The following ACOT7 variants were observed in gnomAD, a reference collection of about 807,000 sequenced individuals.
ACOT7 encodes acyl-CoA thioesterase 7.
Under a neutral mutation model 40.2 loss-of-function variants are expected in ACOT7, and 12 were observed. The ratio of observed to expected loss-of-function variants is 0.30; its 90% CI spans 0.19 to 0.48. The LOEUF (loss-of-function observed/expected upper bound fraction) is 0.48, where lower values mean the gene tolerates loss of function less well. Ranked by LOEUF, ACOT7 falls within the 20% of genes least tolerant of loss-of-function variation. The pLI is 0.99. For missense variants in ACOT7, 395 were observed against 530.8 expected, an observed-to-expected ratio of 0.74 and a Z score of 2.51; for synonymous variants, 228 against 219.5, an observed-to-expected ratio of 1.04 and a Z score of -0.34.
intron 1 of ACOT7, among the ~76,000 whole-genome samples, chr1:6,380,290 C>T (rs112196526): frequency 1.3e-5 from 2 of 151,416 alleles, no homozygotes; most frequent in African/African-American, 4.8e-5. Context: ...GTCAAATGAT[C>T]TATGTGACAA....
In ACOT7 at chr1:6,264,428, G is replaced by A. The variant is rs1571248950; in HGVS notation, c.*169C>T. ...GGAATGATATAAATAAAGCTTTGGT[G>A]TGTAGGTTTGCAGGAGAGAGTACAG... On this transcript the variant is annotated 3_prime_UTR_variant, in exon 9 of 9. Transcript: ENST00000361521. The A allele has an allele frequency of 6.5e-6, 4 of 618,146 alleles. No individual in the cohort carries two copies. The highest frequency in any genetic ancestry group is 1.1e-5 in the Non-Finnish European group (4 of 352,944). The allele number at this position is 618,146 out of a possible 1,614,324, so 38.3% of individuals were successfully genotyped here. A position where few individuals can be genotyped will look rare whatever the true frequency, so the allele number is the denominator to read the frequency against.
At position 6,393,503 on chromosome 1, in the gene ACOT7, G is replaced by T; in HGVS notation, c.-104C>A. On this transcript the variant is annotated 5_prime_UTR_variant, in exon 1 of 9. Coordinates refer to ENST00000361521, the MANE Select transcript of ACOT7 (RefSeq NM_007274.4). ...CCGCGCCGACCCCGCCCCCGCGCCG[G>T]CCCCACCCCGAGCCCCGCCTCCCAG... 1 of 1,055,022 alleles carries T rather than the reference G, an allele frequency of 9.5e-7. No homozygotes were observed. Among genetic ancestry groups the T allele is most frequent in the Non-Finnish European group, 1.2e-6 (1 of 835,240 alleles). The allele number at this position is 1,055,022 out of a possible 1,614,324, so 65.4% of individuals were successfully genotyped here. A position where few individuals can be genotyped will look rare whatever the true frequency, so the allele number is the denominator to read the frequency against.
chr1:6,324,666 G>T (rs1441734882), intron 5 of ACOT7, among the ~76,000 whole-genome samples: 2 of 152,122 alleles, frequency 1.3e-5, no homozygotes, highest in African/African-American at 4.8e-5. Context: ...CTCACAAAAA[G>T]GTAGGTCCAG....
intron 2 of ACOT7, among the ~76,000 whole-genome samples, chr1:6,340,266 T>A (rs1408623571): frequency 1.3e-5 from 2 of 152,086 alleles, no homozygotes; most frequent in Non-Finnish European, 2.9e-5. Flanking sequence ...GCGCCCGGCC[T>A]AGCACCGCGC....
At chr1:6,281,342 G>C (rs1639355156) in intron 7 of ACOT7, 56 bp from the exon 8 acceptor site, 22 of 1,528,828 alleles carry the variant, frequency 1.4e-5, no homozygotes, top group Non-Finnish European at 1.7e-5. Context: ...GCTGGGCGGG[G>C]GACACTGGCG....
intron 2 of ACOT7, 149 bp from the exon 3 acceptor site, chr1:6,339,738 G>GGT: frequency 2.6e-6 from 2 of 762,300 alleles, no homozygotes; most frequent in Non-Finnish European, 3.8e-6. Flanking sequence ...TTGGCACCGC[G>GGT]GTTTTTTTTT....
At chr1:6,325,467 A>G (rs765709672) in intron 5 of ACOT7, among the ~76,000 whole-genome samples, 1 of 151,978 alleles carries the variant, frequency 6.6e-6, no homozygotes, top group African/African-American at 2.4e-5. Context: ...TTCTATTAAT[A>G]CTGACACATT....
chr1:6,268,617 A>G (rs1201408816), intron 8 of ACOT7, among the ~76,000 whole-genome samples: 1 of 152,180 alleles, frequency 6.6e-6, no homozygotes, highest in Non-Finnish European at 1.5e-5. Flanking sequence ...CTAACTCAGG[A>G]CCATGCTCCT....
chr1:6,269,459 C>A (rs921374109), intron 8 of ACOT7, among the ~76,000 whole-genome samples: 14 of 152,240 alleles, frequency 9.2e-5, no homozygotes, highest in Admixed American at 7.8e-4. Flanking sequence ...CTGCTCCCAC[C>A]CCAGCGGCCA....
intron 2 of ACOT7, among the ~76,000 whole-genome samples, chr1:6,348,534 C>A (rs1245534314): frequency 6.6e-6 from 1 of 152,236 alleles, no homozygotes; most frequent in East Asian, 1.9e-4. Context: ...AGAATGGGGA[C>A]AGAGCCCTCA....
At chr1:6,349,666 G>A in intron 2 of ACOT7, 83 bp downstream of exon 2, 1 of 1,350,594 alleles carries the variant, frequency 7.4e-7, no homozygotes, top group Admixed American at 2.0e-5. Flanking sequence ...AAGGCTGCAG[G>A]CCTGGCTCCC....
chr1:6,285,723 C>T (rs1639483177), intron 7 of ACOT7, among the ~76,000 whole-genome samples: 1 of 152,182 alleles, frequency 6.6e-6, no homozygotes, highest in African/African-American at 2.4e-5. Flanking sequence ...AGGCAGGGCC[C>T]GACAAGCACT....
intron 2 of ACOT7, among the ~76,000 whole-genome samples, chr1:6,345,521 C>T (rs1016511828): frequency 2.6e-5 from 4 of 152,196 alleles, no homozygotes; most frequent in Non-Finnish European, 5.9e-5. Context: ...GAGGGGATAA[C>T]GAATGGGAAG....
chr1:6,340,039 C>G (rs983840755), intron 2 of ACOT7, among the ~76,000 whole-genome samples: 1 of 151,202 alleles, frequency 6.6e-6, no homozygotes, highest in Non-Finnish European at 1.5e-5. Flanking sequence ...GATCTCCCCT[C>G]ACTGCAAGCG....
chr1:6,318,570 T>C lies in ACOT7; in HGVS notation c.634A>G (p.Thr212Ala). 6.2e-7 allele frequency: 1 copy of C among 1,614,018 alleles called. No homozygotes were observed. Among genetic ancestry groups the C allele is most frequent in the Middle Eastern group, 1.7e-4 (1 of 6,060 alleles). Reference protein sequence around the residue: ...VQPVLNPEPNTVSYSQSSLIH... With the variant: ...VQPVLNPEPNAVSYSQSSLIH... Reference sequence around the variant, plus strand: ...AAGCTGGACTGGCTGTAGCTGACAGTGTTCGGCTCTGGAATTGCAAAAGAG... The same window carrying C: ...AAGCTGGACTGGCTGTAGCTGACAGCGTTCGGCTCTGGAATTGCAAAAGAG... Residue 212 changes from threonine (T) to alanine (A), a missense_variant, in exon 6 of 9, where the codon ACT becomes GCT. This residue lies in a region of ACOT7 where 309 missense variants were observed against 470.3 expected (regional missense o/e 0.66). Coordinates refer to ENST00000361521, the MANE Select transcript of ACOT7 (RefSeq NM_007274.4).
rs1199594176 is a variant in ACOT7 at position 6,355,089 on chromosome 1, G to C, written c.144-5223C>G. Among the ~76,000 whole-genome samples, 1 of 152,154 alleles carries C rather than the reference G, an allele frequency of 6.6e-6. No homozygotes were observed. The highest frequency in any genetic ancestry group is 1.5e-5 in the Non-Finnish European group (1 of 68,024). On this transcript the variant is annotated intron_variant, in intron 1 of 8. Transcript: ENST00000361521. This position sits in a 1 kb window ranked among gnomAD's most constrained non-coding sequence, Gnocchi z 5.0. ...GCGGGGCTCCGACCTGCACCTGCCA[G>C]AGCACTGCTGCTTAGCAGGCACGCC...
rs968017200 is a variant in ACOT7 at position 6,278,081 on chromosome 1, G to A, written c.1014+3021C>T. Among the ~76,000 whole-genome samples the A allele has an allele frequency of 6.6e-6, 1 of 151,894 alleles. No individual in the cohort carries two copies. The highest frequency in any genetic ancestry group is 2.4e-5 in the African/African-American group (1 of 41,266). On this transcript the variant is annotated intron_variant, in intron 8 of 8. Coordinates refer to ENST00000361521, the MANE Select transcript of ACOT7 (RefSeq NM_007274.4). The surrounding 1 kb of genome is among the most constrained non-coding windows in gnomAD (Gnocchi z 4.1). ...GACAGTCCACGCAGCGTCTGCAGTG[G>A]CGGGGGGTGGTTGGGAGGGGGTCTG...
Position 6,318,564 on chromosome 1 carries a change from T to G in ACOT7, c.640A>C (p.Ser214Arg). ...TGGATCAAGCTGGACTGGCTGTAGCTGACAGTGTTCGGCTCTGGAATTGCA... is the reference window on the plus strand; with the variant it reads ...TGGATCAAGCTGGACTGGCTGTAGCGGACAGTGTTCGGCTCTGGAATTGCA... ...PVLNPEPNTVSYSQSSLIHLV... is the reference protein window; with the variant it reads ...PVLNPEPNTVRYSQSSLIHLV... Residue 214 changes from serine to arginine, a missense_variant, in exon 6 of 9, where the codon AGC becomes CGC. By Grantham distance (110) the Ser-to-Arg change is moderately radical. Around this residue, in one of 2 missense-constraint regions of ACOT7, gnomAD observed 309 missense variants for 470.3 expected, o/e 0.66. Coordinates refer to ENST00000361521, the MANE Select transcript of ACOT7 (RefSeq NM_007274.4). 1 of 1,614,120 alleles carries G rather than the reference T, an allele frequency of 6.2e-7. No individual in the cohort carries two copies. Among genetic ancestry groups the G allele is most frequent in the Non-Finnish European group, 8.5e-7 (1 of 1,179,994 alleles).
At position 6,269,263 on chromosome 1, in the gene ACOT7, G is replaced by A. The variant is rs568785663; in HGVS notation, c.1015-4568C>T. 6.4e-4 allele frequency among the ~76,000 whole-genome samples: 97 copies of A among 152,302 alleles called. No individual in the cohort carries two copies. In the Middle Eastern group the frequency reaches 0.01, roughly 16 times the overall value. Reference sequence around the variant, plus strand: ...CGAGGGACTTTTAGGGGTGGGACTCGTCCATGGGAAGTGAGGAAGGCGATG... The same window carrying A: ...CGAGGGACTTTTAGGGGTGGGACTCATCCATGGGAAGTGAGGAAGGCGATG... On this transcript the variant is annotated intron_variant, in intron 8 of 8. Transcript: ENST00000361521.
Sources: gnomAD v4.1 joint callset for allele counts (sites outside exome capture counted in the v4.1 genomes callset) on GRCh38, gnomAD v4.1.1 for gene constraint, gnomAD v4.1.1 regional missense constraint, Gnocchi (gnomAD v3.1) non-coding constraint, MANE v1.5 for transcripts, NCBI Gene and HGNC (gene_info 2026-07-23, HGNC 2026-07-21) for gene names.